PLXNC1: variants seen among roughly 807,000 people sequenced by gnomAD.
PLXNC1 encodes plexin-C1.
In PLXNC1, 75 loss-of-function variants were observed where a neutral mutation model predicts 178.2. That is an observed-to-expected ratio of 0.42 (90% confidence interval 0.35 to 0.51). The LOEUF (loss-of-function observed/expected upper bound fraction) is 0.51. PLXNC1 is among the 20% of genes least tolerant of loss of function. The pLI is 0.02. For missense variants in PLXNC1, 1,503 were observed against 1,984.4 expected, an observed-to-expected ratio of 0.76 and a Z score of 4.61; for synonymous variants, 790 against 779.9, an observed-to-expected ratio of 1.01 and a Z score of -0.22.
At chr12:94,254,719 T>G in intron 15 of PLXNC1, 68 bp from the exon 16 acceptor site, 2 of 1,062,976 alleles carry the variant, frequency 1.9e-6, no homozygotes, top group South Asian at 1.5e-5. Context: ...CTGTAAAGAT[T>G]GCTATTTGTT....
chr12:94,229,850 T>C (rs1964044471), intron 9 of PLXNC1, among the ~76,000 whole-genome samples: 1 of 152,198 alleles, frequency 6.6e-6, no homozygotes, highest in Non-Finnish European at 1.5e-5. Flanking sequence ...AACTTTGTTC[T>C]TCTTTTTCAA....
chr12:94,298,815 G>A lies in PLXNC1; in HGVS notation c.4238+20G>A, dbSNP rs1469552388. 7.5e-6 allele frequency: 12 copies of A among 1,599,390 alleles called. No individual in the cohort carries two copies. The highest frequency in any genetic ancestry group is 1.0e-5 in the Non-Finnish European group (12 of 1,174,438). On this transcript the variant is annotated intron_variant, in intron 27 of 30. Transcript: ENST00000258526. ...AAACAGGTGGGAATGTAGGTGATTA[G>A]TGACTGTTTTCAAGAATCTGGGACA...
chr12:94,255,475 G>A (rs893107685), intron 17 of PLXNC1, among the ~76,000 whole-genome samples, 179 bp downstream of exon 17: 1 of 152,204 alleles, frequency 6.6e-6, no homozygotes, highest in Non-Finnish European at 1.5e-5. Flanking sequence ...ATTGATTAGG[G>A]TATAAAACAG....
chr12:94,195,083 G>A (rs958636423), intron 4 of PLXNC1, among the ~76,000 whole-genome samples: 1 of 152,116 alleles, frequency 6.6e-6, no homozygotes, highest in Admixed American at 6.5e-5. Flanking sequence ...GCTGTAGAAG[G>A]AAGGAAGTGG....
intron 17 of PLXNC1, among the ~76,000 whole-genome samples, chr12:94,256,697 G>T (rs1964851800): frequency 6.6e-6 from 1 of 152,166 alleles, no homozygotes; most frequent in Non-Finnish European, 1.5e-5. Flanking sequence ...CATGAATGCT[G>T]TGTGGGCTTT....
chr12:94,184,107 T>C lies in PLXNC1; in HGVS notation c.1339-2266T>C, dbSNP rs1016992932. Among the ~76,000 whole-genome samples, 4 of 142,804 alleles carry C rather than the reference T, an allele frequency of 2.8e-5. 1 individual carries two copies. Among genetic ancestry groups the C allele is most frequent in the East Asian group, 2.1e-4 (1 of 4,706 alleles). The allele number at this position is 142,804 out of a possible 152,430, so 93.7% of individuals were successfully genotyped here. ...GGCAGGTCTAATGTAGTATTTTTAG[T>C]GTCCTCTCTCTCTCTCTCTTTTTTT... On this transcript the variant is annotated intron_variant, in intron 3 of 30. Coordinates refer to ENST00000258526, the MANE Select transcript of PLXNC1 (RefSeq NM_005761.3).
At chr12:94,269,048 A>G (rs914761407) in intron 21 of PLXNC1, among the ~76,000 whole-genome samples, 12 of 152,336 alleles carry the variant, frequency 7.9e-5, no homozygotes, top group Non-Finnish European at 1.5e-4. Context: ...AGGATTTCAC[A>G]TGGGAGAAGG....
At chr12:94,157,997 C>T (rs1490199201) in intron 1 of PLXNC1, 1 of 152,222 alleles carries the variant, frequency 6.6e-6, no homozygotes, top group Non-Finnish European at 1.5e-5. Flanking sequence ...CTATTCTTAG[C>T]TCATGGGCCG....
chr12:94,184,723 C>G (rs532365503), intron 3 of PLXNC1, among the ~76,000 whole-genome samples: 52 of 152,020 alleles, frequency 3.4e-4, no homozygotes, highest in South Asian at 2.1e-3. Flanking sequence ...AGTGTCCTCC[C>G]TCTTATACAG....
At position 94,282,032 on chromosome 12, in the gene PLXNC1, G is replaced by T. The variant is rs112788836; in HGVS notation, c.3776-266G>T. The T allele has an allele frequency of 1.2e-5, 4 of 345,546 alleles. No homozygotes were observed. In the Admixed American group the frequency reaches 1.8e-4, roughly 16 times the overall value. 21.4% of individuals were successfully genotyped at this position (345,546 alleles called of 1,614,324 possible). A position where few individuals can be genotyped will look rare whatever the true frequency, so the allele number is the denominator to read the frequency against. On this transcript the variant is annotated intron_variant, in intron 22 of 30. Coordinates refer to ENST00000258526, the MANE Select transcript of PLXNC1 (RefSeq NM_005761.3). ...GGAATTTTTGTTGAAGAGCTTAGTC[G>T]TCCCTCATAGAATGCATTATTTTGT...
rs2136018332 is a variant in PLXNC1 at position 94,220,013 on chromosome 12, C to T, written c.1555-3C>T. 1.2e-6 allele frequency: 2 copies of T among 1,613,402 alleles called. No homozygotes were observed. The highest frequency in any genetic ancestry group is 1.7e-6 in the Non-Finnish European group (2 of 1,179,586). ...ATTTTTTCCCCATATCTTCCCCGCA[C>T]AGACTACAGTGACTATGGTGGGAAG... On this transcript the variant is annotated splice_polypyrimidine_tract_variant and splice_region_variant and intron_variant, in intron 5 of 30. Transcript: ENST00000258526.
intron 17 of PLXNC1, 31 bp downstream of exon 17, chr12:94,255,327 T>C (rs865569): frequency 0.82 from 1,146,946 of 1,397,062 alleles, 473,782 homozygotes; most frequent in Non-Finnish European, 0.85. Context: ...TTCCGAAGGT[T>C]GAGTCTTGAA....
At chr12:94,225,487 G>GA (rs993244594) in intron 7 of PLXNC1, among the ~76,000 whole-genome samples, 7 of 151,918 alleles carry the variant, frequency 4.6e-5, no homozygotes, top group Non-Finnish European at 1.0e-4. Flanking sequence ...GATTTAAGGA[G>GA]AAAAAAATAC....
chr12:94,199,936 A>G (rs1426414486), intron 4 of PLXNC1, among the ~76,000 whole-genome samples: 1 of 152,202 alleles, frequency 6.6e-6, no homozygotes, highest in Non-Finnish European at 1.5e-5. Context: ...GACTGACTAC[A>G]GGCGCGTGCC....
At chr12:94,219,361 G>A (rs933959638) in intron 5 of PLXNC1, among the ~76,000 whole-genome samples, 2 of 152,170 alleles carry the variant, frequency 1.3e-5, no homozygotes, top group East Asian at 1.9e-4. Flanking sequence ...ATAAATGGCT[G>A]TGACATAATT....
chr12:94,258,660 G>A (rs907887450), intron 17 of PLXNC1, among the ~76,000 whole-genome samples: 3 of 152,128 alleles, frequency 2.0e-5, no homozygotes, highest in Non-Finnish European at 4.4e-5. Context: ...CTATAAATTA[G>A]GAATAAAACC....
intron 2 of PLXNC1, among the ~76,000 whole-genome samples, chr12:94,176,861 G>C (rs1274881926): frequency 6.6e-6 from 1 of 151,542 alleles, no homozygotes; most frequent in African/African-American, 2.4e-5. Context: ...TATATTTATA[G>C]ATATATGTAC....
intron 3 of PLXNC1, among the ~76,000 whole-genome samples, chr12:94,182,920 A>G (rs970949295): frequency 6.6e-6 from 1 of 151,076 alleles, no homozygotes; most frequent in African/African-American, 2.4e-5. Context: ...CTATCTATCT[A>G]TCTATAGGTT....
At chr12:94,257,233 G>A (rs1335209693) in intron 17 of PLXNC1, among the ~76,000 whole-genome samples, 2 of 152,180 alleles carry the variant, frequency 1.3e-5, no homozygotes, top group Middle Eastern at 3.2e-3. Context: ...GGGGGCTGTG[G>A]GGGTAGGATT....
Sources: gnomAD v4.1 joint callset for allele counts (sites outside exome capture counted in the v4.1 genomes callset) on GRCh38, gnomAD v4.1.1 for gene constraint, MANE v1.5 for transcripts, NCBI Gene and HGNC (gene_info 2026-07-23, HGNC 2026-07-21) for gene names.